PCDH15: variants seen among roughly 807,000 people sequenced by gnomAD.
The protein encoded by PCDH15 is protocadherin related 15, also known as protocadherin-15.
In PCDH15, 129 loss-of-function variants were observed where a neutral mutation model predicts 178.5. The ratio of observed to expected loss-of-function variants is 0.72; its 90% CI spans 0.63 to 0.84. The LOEUF is 0.84. Among genes scored for constraint, PCDH15 ranks in the 40% least tolerant of loss-of-function variants. PCDH15 has a pLI of 0.00. For synonymous variants in PCDH15, 800 were observed against 732.0 expected (o/e 1.09, Z -1.50); for missense variants, 2,230 against 2,099.9 (o/e 1.06, Z -1.21).
chr10:54,753,512 C>CA (rs376044480), intron 1 of PCDH15, among the ~76,000 whole-genome samples: 6 of 151,478 alleles, frequency 4.0e-5, no homozygotes, highest in South Asian at 2.1e-4. Flanking sequence ...AACAAACAAA[C>CA]AAAAAAAAAA....
chr10:55,164,771 G>T (rs1202773542), intron 2 of PCDH15, among the ~76,000 whole-genome samples: 1 of 152,074 alleles, frequency 6.6e-6, no homozygotes, highest in African/African-American at 2.4e-5. Context: ...TTACACCTCT[G>T]ATGAAACTGA....
chr10:54,307,047 T>C (rs1365819344), intron 8 of PCDH15, among the ~76,000 whole-genome samples: 3 of 10,732 alleles, frequency 2.8e-4, no homozygotes, highest in African/African-American at 6.9e-4. Flanking sequence ...TGTGTATATA[T>C]ATATATATAT....
chr10:53,903,146 G>A, intron 26 of PCDH15, 97 bp downstream of exon 26: 2 of 1,387,218 alleles, frequency 1.4e-6, no homozygotes, highest in Non-Finnish European at 2.0e-6. Flanking sequence ...TGTTTATACA[G>A]CATAAGTATG....
At chr10:54,104,566 G>A (rs1033891683) in intron 15 of PCDH15, among the ~76,000 whole-genome samples, 15 of 151,848 alleles carry the variant, frequency 9.9e-5, no homozygotes, top group African/African-American at 3.4e-4. Context: ...AGCCGGGCGC[G>A]GTAGCTCACG....
intron 37 of PCDH15, chr10:53,808,531 G>T (rs1177626313): frequency 1.4e-6 from 2 of 1,431,746 alleles, no homozygotes; most frequent in Non-Finnish European, 1.8e-6. Context: ...AATGGATTTG[G>T]ACAACATATA....
intron 2 of PCDH15, among the ~76,000 whole-genome samples, chr10:55,521,574 C>A (rs996197751): frequency 6.6e-6 from 1 of 151,938 alleles, no homozygotes; most frequent in African/African-American, 2.4e-5. Context: ...ACCATTGTAT[C>A]TACCAAATAT....
At chr10:54,146,890 G>A (rs1476066348) in intron 14 of PCDH15, among the ~76,000 whole-genome samples, 1 of 48,514 alleles carries the variant, frequency 2.1e-5, no homozygotes, top group East Asian at 1.2e-3. Context: ...TATAGTGTGT[G>A]TATACATATA....
At chr10:54,240,140 G>T (rs1284389346) in intron 8 of PCDH15, among the ~76,000 whole-genome samples, 14 of 151,958 alleles carry the variant, frequency 9.2e-5, no homozygotes, top group Admixed American at 9.2e-4. Context: ...GATGAAACCA[G>T]GCCTGGAAAG....
chr10:55,429,016 G>A (rs1160885933), intron 2 of PCDH15, among the ~76,000 whole-genome samples: 1 of 151,794 alleles, frequency 6.6e-6, no homozygotes, highest in African/African-American at 2.4e-5. Flanking sequence ...CTCCTCTCCA[G>A]GCTTTGTGCA....
rs147978239 is a variant in PCDH15, at chr10:53,970,883, C to T, written c.2869-8991G>A. Among the ~76,000 whole-genome samples the T allele has an allele frequency of 9.1e-3, 1,383 of 152,282 alleles. 20 individuals carry two copies. Among genetic ancestry groups the T allele is most frequent in the African/African-American group, 0.032 (1,338 of 41,544 alleles). ...GTACAAAGTGGATCTGGTACTATTC[C>T]TTCTGAAGCTATTCCAGTCAATAGA... On this transcript the variant is annotated intron_variant, in intron 21 of 37. Coordinates refer to ENST00000644397, the MANE Select transcript of PCDH15 (RefSeq NM_001384140.1).
chr10:54,594,984 G>A (rs1029294226), intron 2 of PCDH15, among the ~76,000 whole-genome samples: 2 of 152,242 alleles, frequency 1.3e-5, no homozygotes, highest in Admixed American at 6.5e-5. Flanking sequence ...GACCACTAGC[G>A]CCCCATCCCT....
Position 55,420,680 on chromosome 10 carries a change from T to C in PCDH15, c.-156+206945A>G, listed in dbSNP as rs1184794027. Among the ~76,000 whole-genome samples, 3 of 151,882 alleles carry C rather than the reference T, an allele frequency of 2.0e-5. No individual in the cohort carries two copies. In the East Asian group the frequency reaches 5.8e-4, roughly 29 times the overall value. ...AATTAATTATATTTTACCTATATTT[T>C]ACATGTTATCTTTTGTCTTAACTTT... On this transcript the variant is annotated intron_variant, in intron 2 of 5. Transcript: ENST00000613346.
chr10:53,814,429 T>G (rs563311057), intron 35 of PCDH15, among the ~76,000 whole-genome samples: 1 of 152,292 alleles, frequency 6.6e-6, no homozygotes, highest in South Asian at 2.1e-4. Context: ...AACGCTCAGC[T>G]CTTGCTAGCT....
intron 2 of PCDH15, among the ~76,000 whole-genome samples, chr10:55,375,518 A>T (rs925377768): frequency 6.6e-6 from 1 of 152,078 alleles, no homozygotes. Flanking sequence ...AATTGCCAAA[A>T]CTTCTAAAGT....
chr10:54,962,811 C>A (rs1304029355), intron 2 of PCDH15, among the ~76,000 whole-genome samples: 1 of 152,124 alleles, frequency 6.6e-6, no homozygotes, highest in East Asian at 1.9e-4. Flanking sequence ...GTACTGCCAG[C>A]CAAGAACAGC....
At chr10:54,636,445 CATACTGTAAAACT>C (rs72292799) in intron 2 of PCDH15, among the ~76,000 whole-genome samples, 47,516 of 151,732 alleles carry the variant, frequency 0.31, 8,019 homozygotes, top group East Asian at 0.43. Flanking sequence ...CTCTTTTCTG[CATACTGTAAAACT>C]AAATTGTATT....
chr10:54,834,632 A>G (rs953174010), intron 3 of PCDH15, among the ~76,000 whole-genome samples: 3 of 152,170 alleles, frequency 2.0e-5, no homozygotes, highest in African/African-American at 4.8e-5. Context: ...AATTCTCTCT[A>G]TTAGAATATT....
chr10:53,909,377 C>T (rs912953206), intron 25 of PCDH15, among the ~76,000 whole-genome samples: 8 of 152,162 alleles, frequency 5.3e-5, no homozygotes, highest in African/African-American at 1.9e-4. Context: ...CAGACTAATA[C>T]TGTAGGTGTT....
intron 2 of PCDH15, among the ~76,000 whole-genome samples, chr10:54,549,530 T>G (rs939397846): frequency 1.3e-5 from 2 of 151,974 alleles, no homozygotes; most frequent in African/African-American, 4.8e-5. Flanking sequence ...ACTAATAGAT[T>G]CTTTTGTAAA....
Sources: gnomAD v4.1 joint callset for allele counts (sites outside exome capture counted in the v4.1 genomes callset) on GRCh38, gnomAD v4.1.1 for gene constraint, MANE v1.5 for transcripts, NCBI Gene and HGNC (gene_info 2026-07-23, HGNC 2026-07-21) for gene names.